Variants in PBX1 observed in about 807,000 individuals in gnomAD.
PBX1 encodes the protein PBX homeobox 1.
In PBX1, 6 loss-of-function variants were observed where a neutral mutation model predicts 53.4. That is an observed-to-expected ratio of 0.11 (90% CI 0.06 to 0.22). The LOEUF (loss-of-function observed/expected upper bound fraction) is 0.22. Ranked by LOEUF, PBX1 falls within the 10% of genes least tolerant of loss-of-function variation. The pLI, the probability that PBX1 is intolerant of heterozygous loss-of-function variation, is 1.00. For missense variants in PBX1, 251 were observed against 551.4 expected, an observed-to-expected ratio of 0.46 and a Z score of 5.46; for synonymous variants, 204 against 212.3, an observed-to-expected ratio of 0.96 and a Z score of 0.34.
intron 2 of PBX1, among the ~76,000 whole-genome samples, chr1:164,724,670 ATTTTTTT>A (rs59042806): frequency 7.9e-4 from 38 of 48,182 alleles, no homozygotes; most frequent in African/African-American, 1.6e-3. Flanking sequence ...ATAGCTGCAG[ATTTTTTT>A]TTTTTTTTTT....
intron 2 of PBX1, among the ~76,000 whole-genome samples, chr1:164,647,875 C>T (rs1422428865): frequency 6.7e-6 from 1 of 148,624 alleles, no homozygotes; most frequent in African/African-American, 2.5e-5. Flanking sequence ...AGTGCGGTGG[C>T]GCGATCTCGG....
intron 5 of PBX1, among the ~76,000 whole-genome samples, chr1:164,811,031 T>G (rs916316590): frequency 5.9e-5 from 9 of 152,234 alleles, no homozygotes; most frequent in African/African-American, 1.4e-4. Context: ...ATCAATGATA[T>G]GTAAGCTGTG....
intron 2 of PBX1, among the ~76,000 whole-genome samples, chr1:164,609,113 C>A (rs1339924348): frequency 1.3e-5 from 2 of 151,966 alleles, no homozygotes; most frequent in African/African-American, 4.8e-5. Flanking sequence ...AATTTAGGGC[C>A]AGAGGTGTCA....
chr1:164,806,666 T>C (rs1669368619), intron 4 of PBX1, among the ~76,000 whole-genome samples: 2 of 152,220 alleles, frequency 1.3e-5, no homozygotes, highest in Non-Finnish European at 2.9e-5. Flanking sequence ...CCAAGTGACC[T>C]TTGAGCTCAG....
At chr1:164,773,012 T>C (rs1667450346) in intron 2 of PBX1, 2 of 152,230 alleles carry the variant, frequency 1.3e-5, no homozygotes, top group Admixed American at 6.5e-5. Context: ...TCAGCTTAAC[T>C]CATCTCCAAG....
chr1:164,849,733 C>T lies in PBX1; in HGVS notation c.*3057C>T. 1 of 266,700 alleles carries T rather than the reference C, an allele frequency of 3.7e-6. No homozygotes were observed. The highest frequency in any genetic ancestry group is 7.1e-6 in the Non-Finnish European group (1 of 140,190). The allele number at this position is 266,700 out of a possible 1,614,324, so 16.5% of individuals were successfully genotyped here. A position where few individuals can be genotyped will look rare whatever the true frequency, so the allele number is the denominator to read the frequency against. On this transcript the variant is annotated 3_prime_UTR_variant, in exon 9 of 9. Transcript: ENST00000420696. ...ACATTTGCCAAGTGGCACCTTCTTT[C>T]AATTTATGTTTTATTTTGCTATGGT...
chr1:164,585,282 G>A (rs1571272156), intron 2 of PBX1, among the ~76,000 whole-genome samples: 1 of 152,104 alleles, frequency 6.6e-6, no homozygotes, highest in African/African-American at 2.4e-5. Context: ...CCTAGTCATG[G>A]TCTGTGATAT....
At chr1:164,614,961 G>A (rs1190779058) in intron 2 of PBX1, among the ~76,000 whole-genome samples, 1 of 152,080 alleles carries the variant, frequency 6.6e-6, no homozygotes, top group Non-Finnish European at 1.5e-5. Flanking sequence ...TTTTAATAGA[G>A]TCAGGGTTTC....
intron 2 of PBX1, among the ~76,000 whole-genome samples, chr1:164,731,410 G>A (rs1285234199): frequency 4.6e-5 from 7 of 151,958 alleles, no homozygotes; most frequent in East Asian, 3.9e-4. Flanking sequence ...AGAAGGGAGC[G>A]GGGGAAACAT....
chr1:164,763,825 A>G (rs1483644854), intron 2 of PBX1, among the ~76,000 whole-genome samples: 2 of 152,258 alleles, frequency 1.3e-5, no homozygotes, highest in African/African-American at 4.8e-5. Context: ...CAATCATGCC[A>G]TGGTGAGCAA....
At chr1:164,863,723 G>A (rs961157206) in intron 2 of PBX1, among the ~76,000 whole-genome samples, 3 of 152,152 alleles carry the variant, frequency 2.0e-5, no homozygotes, top group Non-Finnish European at 4.4e-5. Context: ...AGATACAAAG[G>A]TTGTGCTGGA....
At chr1:164,721,085 G>A (rs989220338) in intron 2 of PBX1, among the ~76,000 whole-genome samples, 2 of 152,192 alleles carry the variant, frequency 1.3e-5, no homozygotes, top group Non-Finnish European at 2.9e-5. Context: ...ATAAGTGTAC[G>A]TGTCTATAAA....
At chr1:164,597,779 T>G in intron 2 of PBX1, among the ~76,000 whole-genome samples, 1 of 152,174 alleles carries the variant, frequency 6.6e-6, no homozygotes, top group East Asian at 1.9e-4. Flanking sequence ...GTTATAACTC[T>G]GGGCCTTTAA....
At chr1:164,776,872 T>A (rs1667675688) in intron 2 of PBX1, among the ~76,000 whole-genome samples, 1 of 151,010 alleles carries the variant, frequency 6.6e-6, no homozygotes, top group Non-Finnish European at 1.5e-5. Flanking sequence ...ATATTGAATC[T>A]CTGCAGTAAA....
chr1:164,756,297 AT>A (rs199895029), intron 2 of PBX1, among the ~76,000 whole-genome samples: 5 of 152,184 alleles, frequency 3.3e-5, no homozygotes, highest in South Asian at 2.1e-4. Context: ...GGGCTGTCTG[AT>A]TTTTTTTCCC....
chr1:164,823,617 T>TG (rs10588514), intron 8 of PBX1, among the ~76,000 whole-genome samples: 2,451 of 45,918 alleles, frequency 0.053, 72 homozygotes, highest in African/African-American at 0.092. Flanking sequence ...CTCTGGGGGG[T>TG]GGGGGGGGGG....
intron 2 of PBX1, among the ~76,000 whole-genome samples, chr1:164,660,123 A>G (rs955450262): frequency 1.3e-5 from 2 of 152,214 alleles, no homozygotes; most frequent in African/African-American, 4.8e-5. Context: ...GTTGGGGGCA[A>G]TATTCTACAG....
intron 2 of PBX1, among the ~76,000 whole-genome samples, chr1:164,579,911 G>A (rs1038423268): frequency 2.6e-5 from 4 of 152,208 alleles, no homozygotes; most frequent in African/African-American, 9.7e-5. Context: ...TGAGGAAACT[G>A]AGGCATAGAG....
intron 2 of PBX1, among the ~76,000 whole-genome samples, chr1:164,766,219 C>T (rs1415158207): frequency 6.6e-6 from 1 of 152,124 alleles, no homozygotes; most frequent in African/African-American, 2.4e-5. Flanking sequence ...TCTAGAAGGA[C>T]AGTTTAAATG....
Sources: gnomAD v4.1 joint callset for allele counts (sites outside exome capture counted in the v4.1 genomes callset) on GRCh38, gnomAD v4.1.1 for gene constraint, MANE v1.5 for transcripts, NCBI Gene and HGNC (gene_info 2026-07-23, HGNC 2026-07-21) for gene names.